The following RNF38 variants were observed in gnomAD, a reference collection of about 807,000 sequenced individuals.
RNF38 encodes the protein E3 ubiquitin-protein ligase RNF38.
A neutral mutation model predicts 67.2 loss-of-function variants in RNF38; 15 were observed. The ratio of observed to expected loss-of-function variants is 0.22; its 90% confidence interval spans 0.15 to 0.34. The LOEUF (loss-of-function observed/expected upper bound fraction) is 0.34. Among genes scored for constraint, RNF38 ranks in the 10% least tolerant of loss-of-function variants. RNF38 has a pLI of 1.00. For synonymous variants in RNF38, 220 were observed against 218.8 expected, an observed-to-expected ratio of 1.01 and a Z score of -0.05; for missense variants, 524 against 639.9, an observed-to-expected ratio of 0.82 and a Z score of 1.95.
chr9:36,444,708 G>C (rs1376514248), intron 1 of RNF38, among the ~76,000 whole-genome samples: 4 of 152,114 alleles, frequency 2.6e-5, no homozygotes, highest in African/African-American at 9.7e-5. Context: ...GCTGAGGTGG[G>C]AAAATCACTT....
At chr9:36,387,464 T>C (rs960269556) in intron 2 of RNF38, among the ~76,000 whole-genome samples, 38 of 152,210 alleles carry the variant, frequency 2.5e-4, no homozygotes, top group Non-Finnish European at 5.0e-4. Flanking sequence ...ATCACAACCA[T>C]TGAATCCACT....
chr9:36,470,355 CAGTGTCTG>C (rs1839968105), intron 1 of RNF38, among the ~76,000 whole-genome samples: 1 of 152,160 alleles, frequency 6.6e-6, no homozygotes, highest in East Asian at 1.9e-4. Context: ...CCCATCCACA[CAGTGTCTG>C]AGTGGTTTCT....
chr9:36,400,553 C>T, upstream of RNF38: 1 of 988,706 alleles, frequency 1.0e-6, no homozygotes. Flanking sequence ...GCGGCCAGTA[C>T]CTGCGAGGGG....
At chr9:36,417,126 CCTT>C (rs1269636723) in intron 2 of RNF38, among the ~76,000 whole-genome samples, 1 of 152,100 alleles carries the variant, frequency 6.6e-6, no homozygotes, top group Non-Finnish European at 1.5e-5. Flanking sequence ...AAGGTTAAAT[CCTT>C]CTCCCATGAT....
intron 1 of RNF38, among the ~76,000 whole-genome samples, chr9:36,426,904 T>C (rs1318728979): frequency 6.6e-6 from 1 of 152,234 alleles, no homozygotes; most frequent in African/African-American, 2.4e-5. Context: ...ACAGAGCTGT[T>C]CTGAGAGATA....
chr9:36,441,721 A>T (rs1290784407), intron 1 of RNF38, among the ~76,000 whole-genome samples: 2 of 52,254 alleles, frequency 3.8e-5, no homozygotes, highest in African/African-American at 3.0e-4. Flanking sequence ...ATACTCCTCA[A>T]TTAAAAACAA....
Position 36,369,873 on chromosome 9 carries a change from C to G in RNF38, c.416G>C (p.Ser139Thr). The change falls in exon 4 of 12, where the codon AGT becomes ACT. Residue 139 changes from serine (S) to threonine (T), a missense_variant. Physicochemically the swap from Ser to Thr is moderately conservative, Grantham distance 58. Transcript: ENST00000259605. ...GAGATGGTGATAGTTTTCATCTTGA[C>G]TAATGGAATTATGTCGAGACAGACG... Reference protein sequence around the residue: ...RDRLSRHNSISQDENYHHLPY... With the variant: ...RDRLSRHNSITQDENYHHLPY... 1 of 1,613,728 alleles carries G rather than the reference C, an allele frequency of 6.2e-7. No homozygotes were observed. The highest frequency in any genetic ancestry group is 8.5e-7 in the Non-Finnish European group (1 of 1,180,026).
At chr9:36,446,170 C>T (rs540721706) in intron 1 of RNF38, among the ~76,000 whole-genome samples, 3 of 152,276 alleles carry the variant, frequency 2.0e-5, no homozygotes, top group South Asian at 2.1e-4. Context: ...CCTGCCCAAG[C>T]GTTAACTATG....
At chr9:36,427,698 T>C (rs528015164) in intron 1 of RNF38, among the ~76,000 whole-genome samples, 3 of 139,894 alleles carry the variant, frequency 2.1e-5, no homozygotes, top group African/African-American at 6.2e-5. Context: ...TATCTATCTA[T>C]CTATCTACCT....
Position 36,390,470 on chromosome 9 carries a change from G to A in RNF38, c.159C>T (p.Phe53=), listed in dbSNP as rs1359733147. The change falls in exon 2 of 12, where the codon TTC becomes TTT. Residue 53 remains phenylalanine (F), a synonymous_variant. Coordinates refer to ENST00000259605, the MANE Select transcript of RNF38 (RefSeq NM_022781.5). The stretch of plus-strand genomic sequence containing the variant: ...GAAAGGGTAAATATATAAGAACCTG[G>A]AAGAAAGCTTTGAAGTGAGCATCCT... ...VQEDAHFKAF[F]QSEDSPSPKR... The A allele has an allele frequency of 8.1e-6, 13 of 1,611,992 alleles. No individual in the cohort carries two copies. The highest frequency in any genetic ancestry group is 1.0e-5 in the Non-Finnish European group (12 of 1,179,256).
chr9:36,407,967 T>C (rs1054668701), intron 2 of RNF38, among the ~76,000 whole-genome samples: 7 of 152,236 alleles, frequency 4.6e-5, no homozygotes, highest in Admixed American at 2.0e-4. Context: ...TTAATATTCT[T>C]GTACATACAT....
chr9:36,390,429 T>G, intron 2 of RNF38, 38 bp downstream of exon 2: 1 of 1,558,454 alleles, frequency 6.4e-7, no homozygotes. Context: ...GAATGTGACT[T>G]TCAGCCCTAT....
At chr9:36,421,779 A>T (rs561963202) in intron 2 of RNF38, among the ~76,000 whole-genome samples, 1 of 152,368 alleles carries the variant, frequency 6.6e-6, no homozygotes, top group African/African-American at 2.4e-5. Flanking sequence ...AGAGAGAGTG[A>T]GTGTGCAGAG....
At chr9:36,420,408 T>C (rs1245330192) in intron 2 of RNF38, among the ~76,000 whole-genome samples, 2 of 151,704 alleles carry the variant, frequency 1.3e-5, no homozygotes, top group Non-Finnish European at 2.9e-5. Context: ...GACAGGCACC[T>C]GTAGTCCCAG....
At chr9:36,340,268 T>A (rs571302762) in intron 11 of RNF38, among the ~76,000 whole-genome samples, 2 of 152,286 alleles carry the variant, frequency 1.3e-5, no homozygotes, top group South Asian at 4.1e-4. Context: ...CGTGAGCCAC[T>A]GCGCCTGGCC....
At chr9:36,408,991 A>G (rs1182234801) in intron 2 of RNF38, among the ~76,000 whole-genome samples, 2 of 152,192 alleles carry the variant, frequency 1.3e-5, no homozygotes, top group Non-Finnish European at 2.9e-5. Context: ...GTTCGAGGCC[A>G]GCCTGGCCAA....
At chr9:36,416,749 T>TTTTG (rs1838483141) in intron 2 of RNF38, among the ~76,000 whole-genome samples, 1 of 127,008 alleles carries the variant, frequency 7.9e-6, no homozygotes, top group African/African-American at 3.0e-5. Flanking sequence ...GATATTTTTT[T>TTTTG]TTTTTTTTTT....
At chr9:36,418,412 G>A (rs1177526967) in intron 2 of RNF38, among the ~76,000 whole-genome samples, 1 of 151,886 alleles carries the variant, frequency 6.6e-6, no homozygotes, top group Non-Finnish European at 1.5e-5. Context: ...CGGCACTTTG[G>A]AAGACCAAAG....
chr9:36,392,361 C>G (rs1034378351), intron 1 of RNF38, among the ~76,000 whole-genome samples: 1 of 152,142 alleles, frequency 6.6e-6, no homozygotes, highest in Non-Finnish European at 1.5e-5. Context: ...ATGTGCTATC[C>G]TTTACCATTA....
Sources: gnomAD v4.1 joint callset for allele counts (sites outside exome capture counted in the v4.1 genomes callset) on GRCh38, gnomAD v4.1.1 for gene constraint, MANE v1.5 for transcripts, NCBI Gene and HGNC (gene_info 2026-07-23, HGNC 2026-07-21) for gene names.